The following SDS variants were observed in gnomAD, a reference collection of about 807,000 sequenced individuals.
The protein encoded by SDS is serine dehydratase.
SDS carries 19 observed loss-of-function variants against 29.3 expected under a neutral mutation model. The ratio of observed to expected loss-of-function variants is 0.65; its 90% CI spans 0.45 to 0.95. The LOEUF is 0.95. Ranked by LOEUF, SDS falls within the 40% of genes least tolerant of loss-of-function variation. The pLI is 0.00. For missense variants in SDS, 375 were observed against 439.9 expected (o/e 0.85, Z 1.32); for synonymous variants, 176 against 189.0 (o/e 0.93, Z 0.56).
In SDS at chr12:113,397,230, A is replaced by G. The variant is rs1256497120; in HGVS notation, c.588T>C (p.Phe196=). 10 of 1,614,068 alleles carry G rather than the reference A, an allele frequency of 6.2e-6. No homozygotes were observed. The highest frequency in any genetic ancestry group is 8.5e-6 in the Non-Finnish European group (10 of 1,180,020). Reference sequence around the variant, plus strand: ...TGGCAGCGTGGAAGCTGTGGGCACCAAAAGTCTCCATGGCGATGACAGGCA... The same window carrying G: ...TGGCAGCGTGGAAGCTGTGGGCACCGAAAGTCTCCATGGCGATGACAGGCA... ...GDVPVIAMET[F]GAHSFHAATT... Residue 196 remains phenylalanine, a synonymous_variant, in exon 6 of 8, where the codon TTT becomes TTC. Coordinates refer to ENST00000257549, the MANE Select transcript of SDS (RefSeq NM_006843.3).
intron 1 of SDS, among the ~76,000 whole-genome samples, chr12:113,401,911 C>G (rs1051492738): frequency 1.3e-5 from 2 of 152,314 alleles, no homozygotes; most frequent in African/African-American, 2.4e-5. Flanking sequence ...CCTCCCTCCA[C>G]CATCCCAGAA....
chr12:113,394,076 G>T, intron 6 of SDS, 60 bp from the exon 7 acceptor site: 2 of 1,548,594 alleles, frequency 1.3e-6, no homozygotes, highest in Non-Finnish European at 1.8e-6. Flanking sequence ...AGAGATGGGG[G>T]CAGGGAGGGA....
rs746601966 is a variant in SDS, at chr12:113,398,760, G to C, written c.280C>G (p.Leu94Val). Residue 94 changes from leucine (L) to valine (V), a missense_variant, in exon 4 of 8, where the codon CTC (leucine) becomes GTC (valine). Leu to Val is a conservative substitution (Grantham distance 32). Coordinates refer to ENST00000257549, the MANE Select transcript of SDS (RefSeq NM_006843.3). Reference protein sequence around the residue: ...TIVVPSTTPALTIERLKNEGA... With the variant: ...TIVVPSTTPAVTIERLKNEGA... ...TCATTCTTGAGGCGCTCAATGGTGA[G>C]AGCAGGTGTGGTGCTGGGCACCACG... The C allele has an allele frequency of 1.2e-6, 2 of 1,614,232 alleles. No homozygotes were observed. Among genetic ancestry groups the C allele is most frequent in the South Asian group, 2.2e-5 (2 of 91,086 alleles).
intron 1 of SDS, among the ~76,000 whole-genome samples, chr12:113,400,958 C>T (rs1027782457): frequency 1.1e-4 from 17 of 152,098 alleles, no homozygotes; most frequent in African/African-American, 4.1e-4. Flanking sequence ...TCGAGACCAT[C>T]CTGGCTAACA....
Position 113,399,602 on chromosome 12 carries a change from G to A in SDS, c.107C>T (p.Pro36Leu). 1 of 1,603,556 alleles carries A rather than the reference G, an allele frequency of 6.2e-7. No homozygotes were observed. The highest frequency in any genetic ancestry group is 1.1e-5 in the South Asian group (1 of 88,950). The change falls in exon 2 of 8, where the codon CCC (proline) becomes CTC (leucine). Residue 36 changes from proline (P) to leucine (L), a missense_variant. By Grantham distance (98) the Pro-to-Leu change is moderately conservative. Coordinates refer to ENST00000257549, the MANE Select transcript of SDS (RefSeq NM_006843.3). ...SVYLKMDSAQ[P>L]SGSFKIRGIG... The stretch of plus-strand genomic sequence containing the variant: ...GCCCCGGATCTTGAAGGAGCCGGAG[G>A]GCTGGGCACTGTCCATCTTGAGGTA...
intron 6 of SDS, among the ~76,000 whole-genome samples, chr12:113,396,220 C>T (rs999184356): frequency 6.6e-6 from 1 of 152,186 alleles, no homozygotes; most frequent in Non-Finnish European, 1.5e-5. Flanking sequence ...GTCTTACACA[C>T]AATAGGGGCT....
intron 1 of SDS, among the ~76,000 whole-genome samples, chr12:113,401,583 AG>A (rs983033177): frequency 2.0e-5 from 3 of 152,116 alleles, no homozygotes; most frequent in Non-Finnish European, 4.4e-5. Context: ...AGCAACAGGA[AG>A]GGGAATATTA....
rs746137323 is a variant in SDS at position 113,397,111 on chromosome 12, G to A, written c.653+54C>T. On this transcript the variant is annotated intron_variant, in intron 6 of 7. Transcript: ENST00000257549. ...GGATCTATCTCAAAGCCAGCCCTAA[G>A]GGGGACTCCCCAGTGCTTGCTGGAC... 17 of 1,487,442 alleles carry A rather than the reference G, an allele frequency of 1.1e-5. No homozygotes were observed. In the East Asian group the frequency reaches 2.7e-4, roughly 24 times the overall value. The allele number at this position is 1,487,442 out of a possible 1,614,324, so 92.1% of individuals were successfully genotyped here.
intron 6 of SDS, among the ~76,000 whole-genome samples, chr12:113,395,804 C>T (rs1372287740): frequency 1.3e-5 from 2 of 152,110 alleles, no homozygotes; most frequent in African/African-American, 4.8e-5. Context: ...GGGTCAAAAC[C>T]TAATCCTAAT....
rs1216683607 is a variant in SDS, at chr12:113,394,034, C to G, written c.654-18G>C. 1 of 1,613,044 alleles carries G rather than the reference C, an allele frequency of 6.2e-7. No individual in the cohort carries two copies. The highest frequency in any genetic ancestry group is 1.1e-5 in the South Asian group (1 of 90,974). On this transcript the variant is annotated intron_variant, in intron 6 of 7. Transcript: ENST00000257549. Reference sequence around the variant, plus strand: ...TGGCAACACTGAGAGAAGTGGGAACCCAGAAGAGGATGGGAGTGGGGGAAA... The same window carrying G: ...TGGCAACACTGAGAGAAGTGGGAACGCAGAAGAGGATGGGAGTGGGGGAAA...
chr12:113,403,182 A>AG (rs1362925184), intron 1 of SDS, among the ~76,000 whole-genome samples: 2 of 152,250 alleles, frequency 1.3e-5, no homozygotes, highest in East Asian at 3.9e-4. Context: ...GCTGGAGTGC[A>AG]GGGGCGCAAT....
chr12:113,401,457 C>T (rs1449410045), intron 1 of SDS, among the ~76,000 whole-genome samples: 1 of 152,084 alleles, frequency 6.6e-6, no homozygotes, highest in African/African-American at 2.4e-5. Context: ...GTCTCCAACT[C>T]CTGGCCTCAA....
At chr12:113,399,087 C>G (rs1957667639) in intron 3 of SDS, 25 bp downstream of exon 3, 1 of 1,613,622 alleles carries the variant, frequency 6.2e-7, no homozygotes, top group Non-Finnish European at 8.5e-7. Flanking sequence ...CAGCAGAGGA[C>G]AGGATGGGGA....
At chr12:113,401,407 A>C in intron 1 of SDS, among the ~76,000 whole-genome samples, 1 of 151,626 alleles carries the variant, frequency 6.6e-6, no homozygotes, top group Non-Finnish European at 1.5e-5. Context: ...TCATTCATTC[A>C]TTCCAGTAGA....
intron 2 of SDS, chr12:113,399,355 G>A (rs1957669841): frequency 3.6e-6 from 3 of 835,798 alleles, no homozygotes; most frequent in African/African-American, 3.4e-5. Context: ...GGCGACTGAT[G>A]GCTCTGGGAT....
chr12:113,396,788 G>T (rs1957649630), intron 6 of SDS: 1 of 262,576 alleles, frequency 3.8e-6, no homozygotes, highest in African/African-American at 2.2e-5. Flanking sequence ...ACCACGCCCA[G>T]TTAATTTAAA....
chr12:113,393,579 C>G (rs541293529), intron 7 of SDS, among the ~76,000 whole-genome samples: 1 of 152,284 alleles, frequency 6.6e-6, no homozygotes, highest in Admixed American at 6.5e-5. Flanking sequence ...AAACTCTGAG[C>G]CCCATGTTTT....
rs1353325211 is a variant in SDS, at chr12:113,397,377, G to A, written c.441C>T (p.Ser147=). 1.9e-6 allele frequency: 3 copies of A among 1,609,684 alleles called. No individual in the cohort carries two copies. The highest frequency in any genetic ancestry group is 1.7e-5 in the Admixed American group (1 of 59,878). ...GTGTCTCCTTCAGCTCTTTCACGAT[G>A]GAAGCGTGGCCTTCCCTGGAGGGTG... ...DDPLIWEGHA[S]IVKELKETLW... Residue 147 remains serine, a synonymous_variant, in exon 6 of 8, where the codon TCC becomes TCT. Coordinates refer to ENST00000257549, the MANE Select transcript of SDS (RefSeq NM_006843.3).
chr12:113,400,306 AAAG>A (rs901875069), intron 1 of SDS, among the ~76,000 whole-genome samples: 9 of 151,890 alleles, frequency 5.9e-5, no homozygotes, highest in East Asian at 1.9e-4. Flanking sequence ...AAAAAAAAAA[AAAG>A]AAGAAGAAAG....
Sources: allele counts gnomAD v4.1 joint callset (sites outside exome capture counted in the v4.1 genomes callset), GRCh38; gene constraint gnomAD v4.1.1; transcripts MANE v1.5; gene names NCBI Gene and HGNC (gene_info 2026-07-23, HGNC 2026-07-21).